The following SCN9A variants were observed in gnomAD, a reference collection of about 807,000 sequenced individuals.
The protein encoded by SCN9A is sodium channel protein type 9 subunit alpha.
SCN9A carries 131 observed loss-of-function variants against 187.0 expected under a neutral mutation model. The observed-to-expected ratio is 0.70, with a 90% CI of 0.61 to 0.81. The LOEUF (loss-of-function observed/expected upper bound fraction) is 0.81. Among genes scored for constraint, SCN9A ranks in the 30% least tolerant of loss-of-function variants. The pLI, the probability that SCN9A is intolerant of heterozygous loss-of-function variation, is 0.00. For synonymous variants in SCN9A, 809 were observed against 808.6 expected (o/e 1.00, Z -0.01); for missense variants, 2,252 against 2,396.6 (o/e 0.94, Z 1.26).
intron 5 of SCN9A, among the ~76,000 whole-genome samples, chr2:166,305,516 A>G (rs1460310160): frequency 6.6e-6 from 1 of 152,108 alleles, no homozygotes; most frequent in East Asian, 1.9e-4. Context: ...AAAAGTGTAA[A>G]CCTAATTGGC....
chr2:166,199,886 A>AG, intron 26 of SCN9A, 22 bp from the exon 27 acceptor site: 1 of 1,597,208 alleles, frequency 6.3e-7, no homozygotes, highest in Non-Finnish European at 8.6e-7. Flanking sequence ...GGAAAATAAT[A>AG]GAAATAAAAT....
chr2:166,368,880 G>A (rs957057407), intron 1 of SCN9A, among the ~76,000 whole-genome samples: 2 of 151,452 alleles, frequency 1.3e-5, no homozygotes, highest in East Asian at 3.9e-4. Context: ...CCGGCTACTC[G>A]GGAGGCTGAG....
chr2:166,203,897 G>T, intron 26 of SCN9A, 58 bp downstream of exon 26: 2 of 1,035,694 alleles, frequency 1.9e-6, no homozygotes, highest in Non-Finnish European at 2.8e-6. Context: ...ACTTCCTTGA[G>T]CATAAGTGAA....
At chr2:166,362,506 C>T (rs1396644585) in intron 1 of SCN9A, among the ~76,000 whole-genome samples, 2 of 151,774 alleles carry the variant, frequency 1.3e-5, no homozygotes, top group African/African-American at 4.8e-5. Context: ...CATTTTGGGG[C>T]AGAATTTTCA....
At chr2:166,302,096 C>T (rs900555842) in intron 7 of SCN9A, 5 of 150,876 alleles carry the variant, frequency 3.3e-5, no homozygotes, top group African/African-American at 1.2e-4. Context: ...CCTGACCTTT[C>T]CTCCCTCATT....
intron 1 of SCN9A, among the ~76,000 whole-genome samples, chr2:166,344,082 G>C (rs911469668): frequency 1.3e-5 from 2 of 152,002 alleles, no homozygotes; most frequent in African/African-American, 4.8e-5. Context: ...TCTTTTTACA[G>C]GAATCCAAAC....
intron 21 of SCN9A, among the ~76,000 whole-genome samples, chr2:166,232,682 A>G (rs1015857413): frequency 4.0e-5 from 6 of 151,598 alleles, no homozygotes; most frequent in African/African-American, 1.5e-4. Context: ...AGGCAGGATT[A>G]CTGTGATTAA....
intron 21 of SCN9A, among the ~76,000 whole-genome samples, chr2:166,230,455 G>C (rs1695034828): frequency 6.6e-6 from 1 of 152,086 alleles, no homozygotes; most frequent in Admixed American, 6.6e-5. Flanking sequence ...ATTTCCTGCT[G>C]CCCTCCCTAC....
chr2:166,225,597 G>T (rs1273352891), intron 24 of SCN9A, among the ~76,000 whole-genome samples: 1 of 152,158 alleles, frequency 6.6e-6, no homozygotes, highest in African/African-American at 2.4e-5. Context: ...GATGTTATGG[G>T]TTGGATTGTG....
intron 17 of SCN9A, among the ~76,000 whole-genome samples, chr2:166,271,875 A>T (rs1697006403): frequency 6.8e-6 from 1 of 147,016 alleles, no homozygotes; most frequent in Admixed American, 6.9e-5. Flanking sequence ...AAAAAAAAGA[A>T]GAGAGAGAGA....
intron 1 of SCN9A, among the ~76,000 whole-genome samples, chr2:166,312,305 T>A (rs4131159): frequency 0.64 from 96,771 of 151,982 alleles, 31,459 homozygotes; most frequent in African/African-American, 0.75. Flanking sequence ...TCTTTGCTTA[T>A]CAATCAGAAG....
intron 1 of SCN9A, among the ~76,000 whole-genome samples, chr2:166,367,004 G>A (rs755939083): frequency 1.8e-4 from 27 of 152,156 alleles, no homozygotes; most frequent in Non-Finnish European, 3.7e-4. Flanking sequence ...GAGTCTTCAT[G>A]ACAATAAGTA....
At chr2:166,233,760 C>A (rs1402374504) in intron 20 of SCN9A, among the ~76,000 whole-genome samples, 1 of 151,988 alleles carries the variant, frequency 6.6e-6, no homozygotes, top group Admixed American at 6.6e-5. Flanking sequence ...TTTGTAATTC[C>A]TTATTAAATC....
chr2:166,198,616 A>T lies in SCN9A; in HGVS notation c.*56T>A, dbSNP rs1295501685. 4 of 1,332,324 alleles carry T rather than the reference A, an allele frequency of 3.0e-6. No homozygotes were observed. Among genetic ancestry groups the T allele is most frequent in the Non-Finnish European group, 4.1e-6 (4 of 980,998 alleles). The allele number at this position is 1,332,324 out of a possible 1,614,324, so 82.5% of individuals were successfully genotyped here. A position where few individuals can be genotyped will look rare whatever the true frequency, so the allele number is the denominator to read the frequency against. On this transcript the variant is annotated 3_prime_UTR_variant, in exon 27 of 27. Transcript: ENST00000642356. ...GCATAGACTTCCTCAAAAGAGTTTT[A>T]TTAACACAAATAAATCACTTTCACA...
chr2:166,363,431 A>G (rs1280082176), intron 1 of SCN9A, among the ~76,000 whole-genome samples: 1 of 152,022 alleles, frequency 6.6e-6, no homozygotes, highest in Non-Finnish European at 1.5e-5. Context: ...GGGTCCCTAA[A>G]TTCATTAACT....
At chr2:166,344,406 A>G (rs16851943) in intron 1 of SCN9A, among the ~76,000 whole-genome samples, 31,235 of 152,082 alleles carry the variant, frequency 0.21, 4,011 homozygotes, top group African/African-American at 0.36. Flanking sequence ...GAAATATGAG[A>G]AACCACAAAG....
intron 14 of SCN9A, among the ~76,000 whole-genome samples, chr2:166,279,339 A>G (rs1697376339): frequency 6.6e-6 from 1 of 152,182 alleles, no homozygotes; most frequent in Non-Finnish European, 1.5e-5. Context: ...CCACAGCAAA[A>G]GCAAAATTAT....
chr2:166,242,656 C>T lies in SCN9A; in HGVS notation c.3473G>A (p.Gly1158Asp), dbSNP rs1695620049. ...GCAGCATGAGAACCTCCATACACAA[C>T]CTGACAAGAAAGACATGCATGTTAA... ...SDEPEACFTD[G>D]CVWRFSCCQV... is the part of the protein sequence containing the mutation. The change falls in exon 19 of 27, where the codon GGT (glycine) becomes GAT (aspartate). Residue 1158 changes from glycine (G) to aspartate (D), a missense_variant and splice_region_variant. Gly to Asp is a moderately conservative substitution (Grantham distance 94, BLOSUM62 -1). Transcript: ENST00000642356. The T allele has an allele frequency of 6.5e-7, 1 of 1,545,462 alleles. No homozygotes were observed. The highest frequency in any genetic ancestry group is 8.7e-7 in the Non-Finnish European group (1 of 1,143,228).
Position 166,280,458 on chromosome 2 carries a change from G to C in SCN9A, c.2242C>G (p.Leu748Val), listed in dbSNP as rs764893083. The change falls in exon 14 of 27, where the codon CTT becomes GTT. Residue 748 changes from leucine (L) to valine (V), a missense_variant. Leu to Val is a conservative substitution (Grantham distance 32). Transcript: ENST00000642356. ...AAAACTATGCAAATGGTAATTGCAA[G>C]ATCTACAAAAGGATCCATTACAATA... ...YFIVMDPFVD[L>V]AITICIVLNT... The C allele has an allele frequency of 9.5e-6, 15 of 1,586,836 alleles. No individual in the cohort carries two copies. The highest frequency in any genetic ancestry group is 5.3e-5 in the Admixed American group (3 of 56,384).
Sources: gnomAD v4.1 joint callset for allele counts (sites outside exome capture counted in the v4.1 genomes callset) on GRCh38, gnomAD v4.1.1 for gene constraint, MANE v1.5 for transcripts, NCBI Gene and HGNC (gene_info 2026-07-23, HGNC 2026-07-21) for gene names.